ZNF713: variants seen among roughly 807,000 people sequenced by gnomAD.
The protein encoded by ZNF713 is zinc finger protein 713.
Under a neutral mutation model 28.7 loss-of-function variants are expected in ZNF713, and 21 were observed. That is an observed-to-expected ratio of 0.73 (90% CI 0.52 to 1.05). The LOEUF is 1.05. ZNF713 is among the 50% of genes least tolerant of loss of function. The pLI is 0.00. For missense variants in ZNF713, 458 were observed against 532.4 expected (o/e 0.86, Z 1.37); for synonymous variants, 167 against 178.0 (o/e 0.94, Z 0.49).
chr7:55,907,588 CT>C (rs1785704407), intron 2 of ZNF713, among the ~76,000 whole-genome samples: 1 of 152,146 alleles, frequency 6.6e-6, no homozygotes, highest in Non-Finnish European at 1.5e-5. Flanking sequence ...AGTAGGTAAT[CT>C]TTCAACCCTA....
intron 1 of ZNF713, among the ~76,000 whole-genome samples, chr7:55,901,253 TGAGA>T (rs746102557): frequency 5.4e-5 from 8 of 148,914 alleles, no homozygotes; most frequent in Admixed American, 2.7e-4. Flanking sequence ...CAGCAGGCAG[TGAGA>T]GAGAGAGAGA....
chr7:55,923,896 C>T (rs1786045765), intron 6 of ZNF713, 197 bp downstream of exon 6: 1 of 412,366 alleles, frequency 2.4e-6, no homozygotes, highest in Non-Finnish European at 4.4e-6. Flanking sequence ...ATAATATACA[C>T]TTATATTGTT....
rs772395125 is a variant in ZNF713, at chr7:55,939,494, A to G, written c.820A>G (p.Ser274Gly). The G allele has an allele frequency of 6.2e-7, 1 of 1,614,158 alleles. No individual in the cohort carries two copies. Among genetic ancestry groups the G allele is most frequent in the Non-Finnish European group, 8.5e-7 (1 of 1,180,024 alleles). ...GKAFSHTSSL[S>G]QPQMLLTGEK... ...GGCCTTCAGCCACACCTCATCTCTT[A>G]GCCAGCCTCAGATGTTGCTTACAGG... The change falls in exon 7 of 7, where the codon AGC becomes GGC. Residue 274 changes from serine to glycine, a missense_variant. Ser to Gly is a moderately conservative substitution (Grantham distance 56). Coordinates refer to ENST00000429591, the MANE Select transcript of ZNF713 (RefSeq NM_182633.3).
chr7:55,918,739 C>T (rs950455199), intron 4 of ZNF713, among the ~76,000 whole-genome samples: 1 of 152,146 alleles, frequency 6.6e-6, no homozygotes, highest in Non-Finnish European at 1.5e-5. Context: ...TGGCTAATGC[C>T]TGTAATCCCA....
intron 1 of ZNF713, among the ~76,000 whole-genome samples, chr7:55,902,221 T>C (rs1246189073): frequency 6.6e-6 from 1 of 151,950 alleles, no homozygotes; most frequent in East Asian, 1.9e-4. Flanking sequence ...AGAATGTCAA[T>C]ATATAAGAAG....
At chr7:55,932,909 A>AG (rs1554337803) in intron 6 of ZNF713, among the ~76,000 whole-genome samples, 2 of 145,518 alleles carry the variant, frequency 1.4e-5, no homozygotes, top group African/African-American at 5.2e-5. Flanking sequence ...AAAAAAAAAA[A>AG]AGAAGCTACA....
chr7:55,905,383 A>G (rs1785660554), intron 1 of ZNF713, among the ~76,000 whole-genome samples: 1 of 152,050 alleles, frequency 6.6e-6, no homozygotes, highest in Non-Finnish European at 1.5e-5. Context: ...ACTCATTACT[A>G]CACTAGTGTG....
Position 55,939,496 on chromosome 7 carries a change from C to G in ZNF713, c.822C>G (p.Ser274Arg). ...CCTTCAGCCACACCTCATCTCTTAG[C>G]CAGCCTCAGATGTTGCTTACAGGAG... ...GKAFSHTSSL[S>R]QPQMLLTGEK... Residue 274 changes from serine to arginine, a missense_variant, in exon 7 of 7, where the codon AGC becomes AGG. Ser to Arg is a moderately radical substitution (Grantham distance 110). Transcript: ENST00000429591. The G allele has an allele frequency of 6.2e-7, 1 of 1,614,056 alleles. No homozygotes were observed. Among genetic ancestry groups the G allele is most frequent in the Non-Finnish European group, 8.5e-7 (1 of 1,179,992 alleles).
intron 1 of ZNF713, among the ~76,000 whole-genome samples, chr7:55,895,642 A>G (rs914015737): frequency 2.0e-5 from 3 of 151,296 alleles, no homozygotes; most frequent in Middle Eastern, 3.4e-3. Context: ...CTAATTTTGT[A>G]TTTTTAGTAG....
rs74772901 is a variant in ZNF713 at position 55,907,518 on chromosome 7, C to T, written c.-456+1139C>T. Among the ~76,000 whole-genome samples, 281 of 152,220 alleles carry T rather than the reference C, an allele frequency of 1.8e-3. 2 individuals are homozygous for T. Among genetic ancestry groups the T allele is most frequent in the African/African-American group, 6.5e-3 (269 of 41,532 alleles). On this transcript the variant is annotated intron_variant, in intron 2 of 6. Coordinates refer to ENST00000429591, the MANE Select transcript of ZNF713 (RefSeq NM_182633.3). ...GCAGGTTTGTTACATAGACATGTTG[C>T]GTAGCAATGTGGTCTGGGTTTCTGA... is the stretch of plus-strand genomic sequence containing the variant.
chr7:55,919,513 T>G (rs1446357558), intron 4 of ZNF713, among the ~76,000 whole-genome samples: 25 of 94,486 alleles, frequency 2.6e-4, no homozygotes, highest in African/African-American at 1.0e-3. Context: ...TTTTTTTTTT[T>G]TTTTTTTTTT....
At chr7:55,889,811 C>CTGATTGGAAATG (rs1370925205) in intron 1 of ZNF713, among the ~76,000 whole-genome samples, 19 of 152,326 alleles carry the variant, frequency 1.2e-4, no homozygotes, top group African/African-American at 4.1e-4. Flanking sequence ...TCATTTTCAA[C>CTGATTGGAAATG]TGATTGGAAA....
chr7:55,937,103 A>G (rs1786368050), intron 6 of ZNF713, among the ~76,000 whole-genome samples: 1 of 152,110 alleles, frequency 6.6e-6, no homozygotes, highest in Non-Finnish European at 1.5e-5. Context: ...ATTCGAGACC[A>G]GCCTGACCAA....
At chr7:55,930,719 TC>T (rs1786193666) in intron 6 of ZNF713, among the ~76,000 whole-genome samples, 1 of 152,018 alleles carries the variant, frequency 6.6e-6, no homozygotes, top group Non-Finnish European at 1.5e-5. Flanking sequence ...TAAGCCGAGA[TC>T]GTGCTACTCG....
In ZNF713 at chr7:55,892,517, C is replaced by T. The variant is rs1274201212; in HGVS notation, c.-583+4837C>T. 2.0e-5 allele frequency among the ~76,000 whole-genome samples: 3 copies of T among 146,468 alleles called. No individual in the cohort carries two copies. In the East Asian group the frequency reaches 6.4e-4, roughly 31 times the overall value. On this transcript the variant is annotated intron_variant, in intron 1 of 6. Coordinates refer to ENST00000429591, the MANE Select transcript of ZNF713 (RefSeq NM_182633.3). ...TTATTTGGTAATAGTTTTATAACTT[C>T]CCCTTTGCCCTCTGAAGGTTTGCTG... is the stretch of plus-strand genomic sequence containing the variant.
At chr7:55,921,692 A>G (rs533409280) in intron 4 of ZNF713, among the ~76,000 whole-genome samples, 1 of 152,188 alleles carries the variant, frequency 6.6e-6, no homozygotes, top group Non-Finnish European at 1.5e-5. Flanking sequence ...TGGTTTCTTG[A>G]GATGGAATCA....
At chr7:55,920,308 A>G (rs1785970456) in intron 4 of ZNF713, among the ~76,000 whole-genome samples, 2 of 152,266 alleles carry the variant, frequency 1.3e-5, no homozygotes, top group Non-Finnish European at 2.9e-5. Flanking sequence ...TCTTGGGCCA[A>G]ACAGCCAAGT....
rs113130548 is a variant in ZNF713, at chr7:55,903,666, T to TAAA, written c.-582-2577_-582-2575dup. 1.6e-4 allele frequency among the ~76,000 whole-genome samples: 18 copies of TAAA among 113,174 alleles called. 2 individuals carry two copies. The highest frequency in any genetic ancestry group is 2.7e-4 in the East Asian group (1 of 3,708). 74.2% of individuals were successfully genotyped at this position (113,174 alleles called of 152,430 possible). A position where few individuals can be genotyped will look rare whatever the true frequency, so the allele number is the denominator to read the frequency against. On this transcript the variant is annotated intron_variant, in intron 1 of 6. Transcript: ENST00000429591. ...TGGGCAACAGAGCCAGACTGTGTCT[T>TAAA]AAAAAAAAAAAACAAAAAAAAACCT... is the stretch of plus-strand genomic sequence containing the variant.
intron 4 of ZNF713, among the ~76,000 whole-genome samples, chr7:55,915,954 C>G (rs752358194): frequency 1.2e-4 from 19 of 152,294 alleles, no homozygotes; most frequent in Non-Finnish European, 2.2e-4. Flanking sequence ...ACCAGTTAAG[C>G]TACTGTAGCA....
Sources: allele counts gnomAD v4.1 joint callset (sites outside exome capture counted in the v4.1 genomes callset), GRCh38; gene constraint gnomAD v4.1.1; transcripts MANE v1.5; gene names NCBI Gene and HGNC (gene_info 2026-07-23, HGNC 2026-07-21).